Variants in CPPED1 observed in about 807,000 individuals in gnomAD.
CPPED1 encodes serine/threonine-protein phosphatase CPPED1.
CPPED1 carries 28 observed loss-of-function variants against 28.0 expected under a neutral mutation model. The observed-to-expected ratio is 1.00, with a 90% CI of 0.74 to 1.37. The LOEUF (loss-of-function observed/expected upper bound fraction) is 1.37, where lower values mean the gene tolerates loss of function less well. Among genes scored for constraint, CPPED1 ranks in the 40% most tolerant of loss-of-function variants. CPPED1 has a pLI of 0.00. For missense variants in CPPED1, 504 were observed against 416.5 expected, an observed-to-expected ratio of 1.21 and a Z score of -1.83; for synonymous variants, 198 against 180.2, an observed-to-expected ratio of 1.10 and a Z score of -0.79.
rs2080069215 is a variant in CPPED1 at position 12,709,602 on chromosome 16, A to G, written c.290-4553T>C. Among the ~76,000 whole-genome samples, 1 of 152,232 alleles carries G rather than the reference A, an allele frequency of 6.6e-6. No individual in the cohort carries two copies. The highest frequency in any genetic ancestry group is 2.4e-5 in the African/African-American group (1 of 41,472). ...GTATGATTTATTTTTGTCCATATTC[A>G]TTAAGGCAGACATTAGTATCTTGGT... is the stretch of plus-strand genomic sequence containing the variant. On this transcript the variant is annotated intron_variant, in intron 2 of 3. Coordinates refer to ENST00000381774, the MANE Select transcript of CPPED1 (RefSeq NM_018340.3). The surrounding 1 kb of genome is among the most constrained non-coding windows in gnomAD (Gnocchi z 4.4).
chr16:12,689,371 T>G (rs1016396684), intron 3 of CPPED1, among the ~76,000 whole-genome samples: 1 of 127,900 alleles, frequency 7.8e-6, no homozygotes, highest in Non-Finnish European at 1.8e-5. Flanking sequence ...GAACCACAGG[T>G]GCACACCACC....
chr16:12,782,077 G>A (rs1483938019), intron 1 of CPPED1, among the ~76,000 whole-genome samples: 1 of 152,100 alleles, frequency 6.6e-6, no homozygotes, highest in Non-Finnish European at 1.5e-5. Flanking sequence ...TTATGTTCTT[G>A]GAAAGGGATC....
chr16:12,780,293 C>G (rs1369266952), intron 2 of CPPED1, among the ~76,000 whole-genome samples: 1 of 152,108 alleles, frequency 6.6e-6, no homozygotes, highest in Admixed American at 6.6e-5. Context: ...AAGTTTCATG[C>G]CTCAGCCTCC....
In CPPED1 at chr16:12,661,319, G is replaced by A. The variant is rs1184594765; in HGVS notation, c.*3567C>T. 3.3e-5 allele frequency: 5 copies of A among 152,198 alleles called. No homozygotes were observed. Among genetic ancestry groups the A allele is most frequent in the Non-Finnish European group, 7.3e-5 (5 of 68,036 alleles). 9.4% of individuals were successfully genotyped at this position (152,198 alleles called of 1,614,324 possible). Reference sequence around the variant, plus strand: ...TAGTGCTTGCCTTGTAACTCTGCAAGTGATCAATAATCTCTTAATACTGAA... The same window carrying A: ...TAGTGCTTGCCTTGTAACTCTGCAAATGATCAATAATCTCTTAATACTGAA... On this transcript the variant is annotated 3_prime_UTR_variant, in exon 4 of 4. Coordinates refer to ENST00000381774, the MANE Select transcript of CPPED1 (RefSeq NM_018340.3).
intron 2 of CPPED1, among the ~76,000 whole-genome samples, chr16:12,724,147 TCA>T (rs1469866525): frequency 1.5e-4 from 23 of 151,932 alleles, no homozygotes; most frequent in Non-Finnish European, 1.5e-5. Context: ...AAGGAAGGGG[TCA>T]CAGACACCTC....
chr16:12,715,847 G>A (rs771581167), intron 2 of CPPED1, among the ~76,000 whole-genome samples: 8 of 152,166 alleles, frequency 5.3e-5, no homozygotes, highest in Non-Finnish European at 1.2e-4. Context: ...TGGTTTTAAG[G>A]AAGCTTGTCC....
intron 2 of CPPED1, among the ~76,000 whole-genome samples, chr16:12,735,228 A>C (rs546731852): frequency 5.9e-5 from 9 of 152,206 alleles, no homozygotes; most frequent in African/African-American, 2.2e-4. Context: ...GGGAAAAGAG[A>C]ATGGGATGAG....
intron 2 of CPPED1, among the ~76,000 whole-genome samples, chr16:12,719,675 C>A (rs2080128046): frequency 6.6e-6 from 1 of 152,178 alleles, no homozygotes; most frequent in Non-Finnish European, 1.5e-5. Context: ...TCACTCACGC[C>A]TGTAATCCCA....
At chr16:12,798,960 T>C (rs1409423527) in intron 1 of CPPED1, among the ~76,000 whole-genome samples, 2 of 152,202 alleles carry the variant, frequency 1.3e-5, no homozygotes, top group Non-Finnish European at 2.9e-5. Context: ...CACATTATGT[T>C]AACAGGGAAC....
chr16:12,705,682 C>T (rs1003058892), intron 2 of CPPED1, among the ~76,000 whole-genome samples: 1 of 152,068 alleles, frequency 6.6e-6, no homozygotes. Context: ...CGCTTGAACT[C>T]GGGAGGCAGA....
At position 12,664,039 on chromosome 16, in the gene CPPED1, T is replaced by A. The variant is rs916925384; in HGVS notation, c.*847A>T. On this transcript the variant is annotated 3_prime_UTR_variant, in exon 4 of 4. Transcript: ENST00000381774. This position sits in a 1 kb window ranked among gnomAD's most constrained non-coding sequence, Gnocchi z 4.2. ...TACATTCCCACTTTTCCTGTCAAAG[T>A]GGACAAAATGAAGAGTCTCATGAGT... 3.3e-5 allele frequency: 5 copies of A among 152,174 alleles called. No individual in the cohort carries two copies. Among genetic ancestry groups the A allele is most frequent in the African/African-American group, 1.2e-4 (5 of 41,422 alleles). The allele number at this position is 152,174 out of a possible 1,614,324, so 9.4% of individuals were successfully genotyped here.
Position 12,663,590 on chromosome 16 carries a change from T to C in CPPED1, c.*1296A>G, listed in dbSNP as rs1427471167. 6.6e-6 allele frequency: 1 copy of C among 152,268 alleles called. No homozygotes were observed. Among genetic ancestry groups the C allele is most frequent in the Non-Finnish European group, 1.5e-5 (1 of 68,052 alleles). 9.4% of individuals were successfully genotyped at this position (152,268 alleles called of 1,614,324 possible). A position where few individuals can be genotyped will look rare whatever the true frequency, so the allele number is the denominator to read the frequency against. ...TCTCGTCTTTTGTTCCTTATGAATTTACATATTTAATTATCTTTCCATTTA... is the reference window on the plus strand; with the variant it reads ...TCTCGTCTTTTGTTCCTTATGAATTCACATATTTAATTATCTTTCCATTTA... On this transcript the variant is annotated 3_prime_UTR_variant, in exon 4 of 4. Coordinates refer to ENST00000381774, the MANE Select transcript of CPPED1 (RefSeq NM_018340.3).
chr16:12,738,850 A>G (rs972277619), intron 2 of CPPED1, among the ~76,000 whole-genome samples: 2 of 152,230 alleles, frequency 1.3e-5, no homozygotes, highest in African/African-American at 2.4e-5. Context: ...TATTATTAGC[A>G]AACTGTTTTG....
chr16:12,668,989 G>C (rs1428834809), intron 3 of CPPED1, among the ~76,000 whole-genome samples: 1 of 152,204 alleles, frequency 6.6e-6, no homozygotes, highest in African/African-American at 2.4e-5. Flanking sequence ...ATGTATCTAG[G>C]AGAAATGAAA....
intron 3 of CPPED1, among the ~76,000 whole-genome samples, chr16:12,695,452 G>T (rs779117799): frequency 6.6e-6 from 1 of 151,710 alleles, no homozygotes; most frequent in Non-Finnish European, 1.5e-5. Flanking sequence ...AATCCTTTTC[G>T]CAAAGACAGA....
At chr16:12,779,093 C>T (rs939799955) in intron 2 of CPPED1, among the ~76,000 whole-genome samples, 4 of 152,162 alleles carry the variant, frequency 2.6e-5, no homozygotes, top group Non-Finnish European at 5.9e-5. Context: ...CTGAATACAT[C>T]AACAGAATTC....
In CPPED1 at chr16:12,781,421, G is replaced by A; in HGVS notation, c.71-18C>T. The A allele has an allele frequency of 6.3e-7, 1 of 1,598,294 alleles. No individual in the cohort carries two copies. Among genetic ancestry groups the A allele is most frequent in the Non-Finnish European group, 8.6e-7 (1 of 1,169,070 alleles). Reference sequence around the variant, plus strand: ...TTCCTTTTCTTAAAAAAAGAGAGAGGGAGAAAGAAGGAGAAATCTTGTAAA... The same window carrying A: ...TTCCTTTTCTTAAAAAAAGAGAGAGAGAGAAAGAAGGAGAAATCTTGTAAA... On this transcript the variant is annotated intron_variant, in intron 1 of 3. Transcript: ENST00000381774.
At chr16:12,792,356 T>C (rs1567308063) in intron 1 of CPPED1, among the ~76,000 whole-genome samples, 1 of 152,128 alleles carries the variant, frequency 6.6e-6, no homozygotes, top group African/African-American at 2.4e-5. Context: ...TTTTGAGGTA[T>C]CACACTGGGA....
At chr16:12,802,719 G>C (rs548905948) in intron 1 of CPPED1, among the ~76,000 whole-genome samples, 1 of 152,316 alleles carries the variant, frequency 6.6e-6, no homozygotes, top group South Asian at 2.1e-4. Flanking sequence ...GGTTGAGAGA[G>C]CCAGGCTCAC....
Sources: allele counts gnomAD v4.1 joint callset (sites outside exome capture counted in the v4.1 genomes callset), GRCh38; gene constraint gnomAD v4.1.1; non-coding constraint Gnocchi (gnomAD v3.1); transcripts MANE v1.5; gene names NCBI Gene and HGNC (gene_info 2026-07-23, HGNC 2026-07-21).